The following ZFPM2 variants were observed in gnomAD, a reference collection of about 807,000 sequenced individuals.
The protein encoded by ZFPM2 is zinc finger protein ZFPM2.
ZFPM2 carries 20 observed loss-of-function variants against 98.6 expected under a neutral mutation model. The observed-to-expected ratio is 0.20, with a 90% CI of 0.14 to 0.29. The LOEUF (loss-of-function observed/expected upper bound fraction) is 0.29. ZFPM2 is among the 10% of genes least tolerant of loss of function. ZFPM2 has a pLI of 1.00. For synonymous variants in ZFPM2, 518 were observed against 502.7 expected (o/e 1.03, Z -0.41); for missense variants, 1,310 against 1,388.6 (o/e 0.94, Z 0.90).
intron 5 of ZFPM2, among the ~76,000 whole-genome samples, chr8:105,756,271 A>C (rs1298373248): frequency 6.6e-6 from 1 of 152,158 alleles, no homozygotes; most frequent in Non-Finnish European, 1.5e-5. Context: ...TTTTCCCTGC[A>C]GCTAACCAGA....
chr8:105,571,749 T>C (rs745548286), intron 4 of ZFPM2, among the ~76,000 whole-genome samples: 85 of 152,212 alleles, frequency 5.6e-4, no homozygotes, highest in Non-Finnish European at 1.1e-3. Flanking sequence ...TTTGTACTCC[T>C]TCAGTTTGGT....
intron 3 of ZFPM2, among the ~76,000 whole-genome samples, chr8:105,450,080 CCTGT>C (rs1031116594): frequency 6.6e-6 from 1 of 152,036 alleles, no homozygotes; most frequent in African/African-American, 2.4e-5. Flanking sequence ...CAAAATCAGA[CCTGT>C]CTACTTGTTG....
At chr8:105,334,144 G>C (rs1812284098) in intron 1 of ZFPM2, among the ~76,000 whole-genome samples, 1 of 150,614 alleles carries the variant, frequency 6.6e-6, no homozygotes, top group South Asian at 2.1e-4. Flanking sequence ...GTGTGTGTGT[G>C]TGTGTGTGTG....
chr8:105,325,454 A>C (rs926054547), intron 1 of ZFPM2, among the ~76,000 whole-genome samples: 1 of 151,794 alleles, frequency 6.6e-6, no homozygotes, highest in African/African-American at 2.4e-5. Flanking sequence ...TCTTGCTTGT[A>C]GGGATCAATA....
At chr8:105,465,410 AG>A (rs1431702091) in intron 3 of ZFPM2, among the ~76,000 whole-genome samples, 1 of 152,012 alleles carries the variant, frequency 6.6e-6, no homozygotes, top group Non-Finnish European at 1.5e-5. Flanking sequence ...TATATGATAA[AG>A]GACAGAAGGT....
intron 5 of ZFPM2, among the ~76,000 whole-genome samples, chr8:105,757,252 C>T (rs1270908055): frequency 2.0e-5 from 3 of 152,140 alleles, no homozygotes; most frequent in Non-Finnish European, 4.4e-5. Flanking sequence ...GCAGCCCAAT[C>T]ACTTACTCTG....
chr8:105,569,212 A>G (rs4734878), intron 4 of ZFPM2, among the ~76,000 whole-genome samples: 22,960 of 152,062 alleles, frequency 0.15, 1,810 homozygotes, highest in African/African-American at 0.19. Flanking sequence ...CTTATTATCT[A>G]TTTTTTATCT....
In ZFPM2 at chr8:105,322,892, C is replaced by T. The variant is rs141820848; in HGVS notation, c.40+3911C>T. Reference sequence around the variant, plus strand: ...TTTGAGATGATATAACAATTTTAGGCCGTACGAATTCCTAACTTGCGCATT... The same window carrying T: ...TTTGAGATGATATAACAATTTTAGGTCGTACGAATTCCTAACTTGCGCATT... On this transcript the variant is annotated intron_variant, in intron 1 of 7. Transcript: ENST00000407775. Among the ~76,000 whole-genome samples, 77 of 152,048 alleles carry T rather than the reference C, an allele frequency of 5.1e-4. 1 individual carries two copies. In the East Asian group the frequency reaches 0.012, roughly 23 times the overall value.
At chr8:105,795,835 C>T (rs1813788450) in intron 6 of ZFPM2, 1 of 478,968 alleles carries the variant, frequency 2.1e-6, no homozygotes, top group Admixed American at 2.2e-5. Flanking sequence ...TTTTATCTAG[C>T]TCTATGAAAA....
intron 5 of ZFPM2, among the ~76,000 whole-genome samples, chr8:105,634,605 T>C (rs1009694799): frequency 1.3e-4 from 20 of 152,182 alleles, no homozygotes; most frequent in Non-Finnish European, 2.6e-4. Flanking sequence ...TAACCCTGTA[T>C]TTGAGTGGCT....
chr8:105,483,807 C>G (rs1463670910), intron 3 of ZFPM2, among the ~76,000 whole-genome samples: 4 of 148,572 alleles, frequency 2.7e-5, no homozygotes, highest in Non-Finnish European at 4.4e-5. Context: ...GATCTTGGCT[C>G]ACTGCAACCT....
chr8:105,688,535 G>A (rs1373909529), intron 5 of ZFPM2, among the ~76,000 whole-genome samples: 6 of 151,924 alleles, frequency 3.9e-5, no homozygotes, highest in African/African-American at 7.2e-5. Context: ...TTTAATGGGC[G>A]AAAATAATTT....
intron 1 of ZFPM2, among the ~76,000 whole-genome samples, chr8:105,376,670 C>T (rs963691387): frequency 6.6e-6 from 1 of 152,168 alleles, no homozygotes; most frequent in African/African-American, 2.4e-5. Context: ...AGCATTTATT[C>T]TGGCTTTTGC....
At chr8:105,489,284 T>C (rs1192296447) in intron 3 of ZFPM2, among the ~76,000 whole-genome samples, 1 of 151,276 alleles carries the variant, frequency 6.6e-6, no homozygotes, top group African/African-American at 2.4e-5. Context: ...ATAATGTCGG[T>C]AATAAGATGA....
intron 2 of ZFPM2, among the ~76,000 whole-genome samples, chr8:105,430,702 C>T (rs1168013161): frequency 6.6e-6 from 1 of 152,004 alleles, no homozygotes; most frequent in East Asian, 1.9e-4. Flanking sequence ...AGTCTGAATG[C>T]GTCTTGTGAT....
At chr8:105,570,831 A>G (rs557767847) in intron 4 of ZFPM2, among the ~76,000 whole-genome samples, 20 of 152,264 alleles carry the variant, frequency 1.3e-4, no homozygotes, top group African/African-American at 4.6e-4. Context: ...ATTTTAATAC[A>G]TTTTGGCCTT....
At chr8:105,785,331 ACACACG>A (rs138511349) in intron 5 of ZFPM2, 97 of 128,718 alleles carry the variant, frequency 7.5e-4, no homozygotes, top group African/African-American at 4.5e-3. Context: ...CACAACACAC[ACACACG>A]CACACGCACA....
At chr8:105,571,301 G>T (rs1325202052) in intron 4 of ZFPM2, among the ~76,000 whole-genome samples, 7 of 152,196 alleles carry the variant, frequency 4.6e-5, no homozygotes, top group East Asian at 1.9e-4. Context: ...GTGGAAGTGG[G>T]TGGATATATA....
At chr8:105,678,411 T>C (rs1289814696) in intron 5 of ZFPM2, 8 of 152,180 alleles carry the variant, frequency 5.3e-5, no homozygotes, top group African/African-American at 1.9e-4. Context: ...TATAATCTGA[T>C]TGAGTACGTT....
Sources: gnomAD v4.1 joint callset for allele counts (sites outside exome capture counted in the v4.1 genomes callset) on GRCh38, gnomAD v4.1.1 for gene constraint, MANE v1.5 for transcripts, NCBI Gene and HGNC (gene_info 2026-07-23, HGNC 2026-07-21) for gene names.